The following NRXN1 variants were observed in gnomAD, a reference collection of about 807,000 sequenced individuals.
NRXN1 encodes the protein neurexin-1.
A neutral mutation model predicts 150.9 loss-of-function variants in NRXN1; 39 were observed. That is an observed-to-expected ratio of 0.26 (90% CI 0.20 to 0.34). NRXN1 has a LOEUF of 0.34. Among genes scored for constraint, NRXN1 ranks in the 10% least tolerant of loss-of-function variants. The pLI, the probability that NRXN1 is intolerant of heterozygous loss-of-function variation, is 1.00. For synonymous variants in NRXN1, 924 were observed against 757.0 expected (o/e 1.22, Z -3.62); for missense variants, 1,815 against 1,949.9 (o/e 0.93, Z 1.30).
At position 50,914,349 on chromosome 2, in the gene NRXN1, T is replaced by G. The variant is rs565046721; in HGVS notation, c.832+7520A>C. Among the ~76,000 whole-genome samples, 3 of 151,812 alleles carry G rather than the reference T, an allele frequency of 2.0e-5. No individual in the cohort carries two copies. The East Asian group carries it at 5.8e-4, about 30-fold the overall frequency. On this transcript the variant is annotated intron_variant, in intron 5 of 22. Coordinates refer to ENST00000401669, the MANE Select transcript of NRXN1 (RefSeq NM_001330078.2). ...CATAAAATATAAGATCTACTTCATT[T>G]TTTGAAACTTTCCATCACAAATTGC...
chr2:50,714,635 G>C (rs984454919), intron 5 of NRXN1, among the ~76,000 whole-genome samples: 1 of 152,130 alleles, frequency 6.6e-6, no homozygotes, highest in Non-Finnish European at 1.5e-5. Flanking sequence ...GTTGGAAACT[G>C]AAAGTTTCCA....
chr2:49,954,396 G>C (rs917079628), intron 21 of NRXN1, among the ~76,000 whole-genome samples: 3 of 152,116 alleles, frequency 2.0e-5, no homozygotes, highest in African/African-American at 7.2e-5. Flanking sequence ...CACAGACTCA[G>C]GGATACTTGA....
At chr2:50,578,714 TA>T (rs1003385342) in intron 8 of NRXN1, among the ~76,000 whole-genome samples, 8 of 151,958 alleles carry the variant, frequency 5.3e-5, no homozygotes, top group East Asian at 3.9e-4. Context: ...TATAATAAAT[TA>T]AAAAAAATGC....
chr2:50,770,560 G>C (rs1702894018), intron 5 of NRXN1, among the ~76,000 whole-genome samples: 1 of 151,964 alleles, frequency 6.6e-6, no homozygotes, highest in Non-Finnish European at 1.5e-5. Context: ...TTAATTTTTA[G>C]ATCATTTATC....
At chr2:50,402,559 T>C (rs904784605) in intron 17 of NRXN1, among the ~76,000 whole-genome samples, 1 of 152,102 alleles carries the variant, frequency 6.6e-6, no homozygotes, top group Non-Finnish European at 1.5e-5. Context: ...GCTGGTCGAT[T>C]ACGGAAGTAG....
At chr2:50,251,009 T>TA (rs202206275) in intron 17 of NRXN1, among the ~76,000 whole-genome samples, 62,903 of 147,806 alleles carry the variant, frequency 0.43, 13,880 homozygotes, top group Middle Eastern at 0.46. Context: ...ATTGCATATG[T>TA]GTAATATTAC....
intron 18 of NRXN1, among the ~76,000 whole-genome samples, chr2:50,215,480 A>G (rs2063332245): frequency 1.3e-5 from 2 of 152,052 alleles, no homozygotes; most frequent in South Asian, 4.1e-4. Context: ...GGGTGAAAAC[A>G]TTTAATTTAT....
chr2:50,062,159 A>G (rs1694643640), intron 19 of NRXN1, among the ~76,000 whole-genome samples: 1 of 152,144 alleles, frequency 6.6e-6, no homozygotes, highest in African/African-American at 2.4e-5. Context: ...TTATTTGCCT[A>G]TTTGTATAGA....
At chr2:50,192,594 A>G (rs1364908170) in intron 18 of NRXN1, among the ~76,000 whole-genome samples, 1 of 151,836 alleles carries the variant, frequency 6.6e-6, no homozygotes, top group Admixed American at 6.6e-5. Flanking sequence ...AAATCGGAAG[A>G]ATATATACTT....
rs1668130995 is a variant in NRXN1, at chr2:49,921,173, GCACA to G, written c.*767_*770del. ...AACGTCACTTATCACAGTCCAGAAA[GCACA>G]CAGAGATGGATTTTATATAAACATA... is the stretch of plus-strand genomic sequence containing the variant. On this transcript the variant is annotated 3_prime_UTR_variant, in exon 23 of 23. Coordinates refer to ENST00000401669, the MANE Select transcript of NRXN1 (RefSeq NM_001330078.2). The G allele has an allele frequency of 6.6e-6, 1 of 152,530 alleles. No individual in the cohort carries two copies. The highest frequency in any genetic ancestry group is 2.4e-5 in the African/African-American group (1 of 41,400). 9.4% of individuals were successfully genotyped at this position (152,530 alleles called of 1,614,324 possible).
chr2:50,854,024 A>T (rs1464152928), intron 5 of NRXN1, among the ~76,000 whole-genome samples: 1 of 152,102 alleles, frequency 6.6e-6, no homozygotes, highest in South Asian at 2.1e-4. Context: ...AATTTAAATG[A>T]TAACTACATT....
At chr2:50,267,463 A>G (rs1039809084) in intron 17 of NRXN1, among the ~76,000 whole-genome samples, 3 of 152,218 alleles carry the variant, frequency 2.0e-5, no homozygotes, top group African/African-American at 4.8e-5. Flanking sequence ...AAATTGAGCC[A>G]TAAACATCCT....
intron 17 of NRXN1, among the ~76,000 whole-genome samples, chr2:50,422,239 T>A (rs992301308): frequency 1.3e-5 from 2 of 152,262 alleles, no homozygotes. Flanking sequence ...GAGGCTCTAA[T>A]TGCACACAAT....
At chr2:50,400,930 C>G (rs1225222262) in intron 17 of NRXN1, among the ~76,000 whole-genome samples, 2 of 152,124 alleles carry the variant, frequency 1.3e-5, no homozygotes, top group Non-Finnish European at 2.9e-5. Flanking sequence ...TATATCTATT[C>G]ATGTCATAGT....
At chr2:50,465,637 G>A in intron 16 of NRXN1, 76 bp from the exon 17 acceptor site, 3 of 1,454,350 alleles carry the variant, frequency 2.1e-6, no homozygotes, top group Non-Finnish European at 2.8e-6. Flanking sequence ...TAGATCACAT[G>A]TAGTAGTTGC....
intron 5 of NRXN1, among the ~76,000 whole-genome samples, chr2:50,829,007 A>C (rs1304012671): frequency 1.3e-5 from 2 of 152,152 alleles, no homozygotes; most frequent in Admixed American, 6.5e-5. Context: ...CTGGCGGATC[A>C]CTCGCGGTTA....
chr2:49,986,989 G>A (rs1681020178), intron 21 of NRXN1, among the ~76,000 whole-genome samples: 1 of 151,984 alleles, frequency 6.6e-6, no homozygotes. Flanking sequence ...CACCTAAGCT[G>A]GGCAGGTTGA....
chr2:50,151,030 G>T (rs1002723898), intron 18 of NRXN1, among the ~76,000 whole-genome samples: 13 of 151,706 alleles, frequency 8.6e-5, no homozygotes, highest in African/African-American at 2.4e-4. Context: ...AAAGATTTAT[G>T]CAATAAAACT....
chr2:50,575,712 C>G (rs1031486710), intron 8 of NRXN1, among the ~76,000 whole-genome samples: 1 of 152,030 alleles, frequency 6.6e-6, no homozygotes, highest in Non-Finnish European at 1.5e-5. Flanking sequence ...GGACAGAGTC[C>G]ACATCTGTTT....
Sources: gnomAD v4.1 joint callset for allele counts (sites outside exome capture counted in the v4.1 genomes callset) on GRCh38, gnomAD v4.1.1 for gene constraint, MANE v1.5 for transcripts, NCBI Gene and HGNC (gene_info 2026-07-23, HGNC 2026-07-21) for gene names.